TTC14: variants seen among roughly 807,000 people sequenced by gnomAD.
TTC14 encodes tetratricopeptide repeat domain 14.
A neutral mutation model predicts 79.9 loss-of-function variants in TTC14; 63 were observed. The observed-to-expected ratio is 0.79, with a 90% CI of 0.64 to 0.97. TTC14 has a LOEUF of 0.97. Ranked by LOEUF, TTC14 falls within the 50% of genes least tolerant of loss-of-function variation. TTC14 has a pLI of 0.00. For synonymous variants in TTC14, 335 were observed against 309.6 expected (o/e 1.08, Z -0.86); for missense variants, 895 against 894.0 (o/e 1.00, Z -0.01).
chr3:180,605,267 G>T (rs974229480), intron 6 of TTC14: 3 of 300,818 alleles, frequency 1.0e-5, no homozygotes, highest in African/African-American at 4.3e-5. Flanking sequence ...AAAATACTGG[G>T]TTTTTTTGTT....
downstream of TTC14, among the ~76,000 whole-genome samples, chr3:180,611,891 G>T (rs910617987): frequency 5.3e-5 from 8 of 152,162 alleles, no homozygotes; most frequent in Non-Finnish European, 1.0e-4. Context: ...ACAGTAAAAT[G>T]TCCAGGCCTT....
At chr3:180,614,267 G>A (rs925706357), downstream of TTC14, 4 of 153,448 alleles carry the variant, frequency 2.6e-5, no homozygotes, top group African/African-American at 9.9e-5. Context: ...TCTTTAATGC[G>A]TTTATTTCAA....
downstream of TTC14, among the ~76,000 whole-genome samples, chr3:180,615,548 A>T (rs113107657): frequency 6.6e-6 from 1 of 152,202 alleles, no homozygotes; most frequent in Admixed American, 6.5e-5. Context: ...AGTTTTAAAT[A>T]TATATTTTAT....
At chr3:180,612,562 T>G (rs1269442060), downstream of TTC14, among the ~76,000 whole-genome samples, 1 of 152,098 alleles carries the variant, frequency 6.6e-6, no homozygotes, top group Non-Finnish European at 1.5e-5. Flanking sequence ...GCTAGAAATT[T>G]GAGACTGGCC....
intron 8 of TTC14, 49 bp downstream of exon 8, chr3:180,606,421 G>A (rs754944245): frequency 1.7e-5 from 27 of 1,612,812 alleles, no homozygotes; most frequent in Middle Eastern, 1.6e-4. Flanking sequence ...AGGTAAATGC[G>A]AACAAGATTT....
At position 180,609,612 on chromosome 3, in the gene TTC14, A is replaced by ATGAAC. The variant is rs769116349; in HGVS notation, c.1401-15_1401-11dup. On this transcript the variant is annotated splice_polypyrimidine_tract_variant and intron_variant, in intron 11 of 11. Coordinates refer to ENST00000296015, the MANE Select transcript of TTC14 (RefSeq NM_133462.4). ...AAACATTTTTGTATATATATGACAA[A>ATGAAC]TGAACTGTTTTTTTTAGGCTAAAGA... The ATGAAC allele has an allele frequency of 1.2e-5, 18 of 1,528,262 alleles. No homozygotes were observed. The East Asian group carries it at 4.1e-4, about 35-fold the overall frequency. 94.7% of individuals were successfully genotyped at this position (1,528,262 alleles called of 1,614,324 possible). A position where few individuals can be genotyped will look rare whatever the true frequency, so the allele number is the denominator to read the frequency against.
downstream of TTC14, chr3:180,614,846 GT>G (rs1343870308): frequency 2.4e-5 from 32 of 1,350,602 alleles, no homozygotes; most frequent in Non-Finnish European, 3.1e-5. Flanking sequence ...TAGATAAAAT[GT>G]GTTGGGTCGT....
At chr3:180,616,227 A>G (rs1028736670) in intron 12 of TTC14, 38 of 1,467,522 alleles carry the variant, frequency 2.6e-5, no homozygotes, top group Non-Finnish European at 3.4e-5. Context: ...GGCTGGAATC[A>G]CTTAGTGTAC....
At chr3:180,605,896 C>A in intron 7 of TTC14, 59 bp downstream of exon 7, 1 of 1,499,746 alleles carries the variant, frequency 6.7e-7, no homozygotes. Context: ...TAGGGCAAGG[C>A]AAGCATGCTT....
chr3:180,603,663 CATT>C, intron 3 of TTC14: 1 of 266,314 alleles, frequency 3.8e-6, no homozygotes, highest in Non-Finnish European at 7.3e-6. Flanking sequence ...TAATATTTGG[CATT>C]GTATATTTTC....
chr3:180,605,696 A>C, intron 6 of TTC14, 70 bp from the exon 7 acceptor site: 1 of 1,143,712 alleles, frequency 8.7e-7, no homozygotes, highest in Non-Finnish European at 1.2e-6. Context: ...GTGCCTGTCA[A>C]GCAGAGTTAA....
chr3:180,608,163 A>G (rs989886784), intron 10 of TTC14: 5 of 1,003,040 alleles, frequency 5.0e-6, no homozygotes, highest in Non-Finnish European at 5.9e-6. Context: ...GAATTGGACC[A>G]TTGCTGCTGT....
At chr3:180,618,044 C>T (rs961124317), downstream of TTC14, among the ~76,000 whole-genome samples, 2 of 152,062 alleles carry the variant, frequency 1.3e-5, no homozygotes. Context: ...TGTTTAGATA[C>T]ACAAGTACCA....
chr3:180,608,514 A>G (rs887194186), intron 10 of TTC14, 187 bp from the exon 11 acceptor site: 3 of 1,180,612 alleles, frequency 2.5e-6, no homozygotes, highest in South Asian at 5.1e-5. Flanking sequence ...GGCCATTTCA[A>G]TGACTAATGC....
At position 180,604,265 on chromosome 3, in the gene TTC14, A is replaced by G; in HGVS notation, c.527A>G (p.His176Arg). Residue 176 changes from histidine to arginine, a missense_variant, in exon 4 of 12, where the codon CAT becomes CGT. Coordinates refer to ENST00000296015, the MANE Select transcript of TTC14 (RefSeq NM_133462.4). ...AGAGATGTGCCTTCTCACAGTAACC[A>G]TGGGGATCCTTTATCATATTACCAA... ...PLRDVPSHSN[H>R]GDPLSYYQTG... 1 of 1,613,606 alleles carries G rather than the reference A, an allele frequency of 6.2e-7. No individual in the cohort carries two copies. The highest frequency in any genetic ancestry group is 8.5e-7 in the Non-Finnish European group (1 of 1,179,744).
At chr3:180,607,339 G>C (rs1197187803) in intron 9 of TTC14, among the ~76,000 whole-genome samples, 1 of 152,010 alleles carries the variant, frequency 6.6e-6, no homozygotes, top group African/African-American at 2.4e-5. Context: ...AAAGCCTGCT[G>C]GTATAATTCT....
intron 6 of TTC14, chr3:180,605,522 C>T: frequency 3.0e-6 from 1 of 328,382 alleles, no homozygotes; most frequent in Non-Finnish European, 5.5e-6. Context: ...ACCTCGTGAT[C>T]CACCCGCCTC....
downstream of TTC14, among the ~76,000 whole-genome samples, chr3:180,611,756 A>G (rs548099572): frequency 6.6e-6 from 1 of 152,312 alleles, no homozygotes; most frequent in South Asian, 2.1e-4. Context: ...TGGACTTTAG[A>G]TACTGTCACA....
At chr3:180,609,155 T>G (rs1716852181) in intron 11 of TTC14, 1 of 682,220 alleles carries the variant, frequency 1.5e-6, no homozygotes, top group Non-Finnish European at 1.8e-6. Flanking sequence ...GGAGACATTT[T>G]TGATTGCCAT....
Sources: gnomAD v4.1 joint callset for allele counts (sites outside exome capture counted in the v4.1 genomes callset) on GRCh38, gnomAD v4.1.1 for gene constraint, MANE v1.5 for transcripts, NCBI Gene and HGNC (gene_info 2026-07-23, HGNC 2026-07-21) for gene names.